FAM8A1: variants seen among roughly 807,000 people sequenced by gnomAD.
The protein encoded by FAM8A1 is protein FAM8A1.
Under a neutral mutation model 38.3 loss-of-function variants are expected in FAM8A1, and 18 were observed. That is an observed-to-expected ratio of 0.47 (90% CI 0.33 to 0.70). FAM8A1 has a LOEUF of 0.70. FAM8A1 is among the 30% of genes least tolerant of loss of function. The pLI, the probability that FAM8A1 is intolerant of heterozygous loss-of-function variation, is 0.03. For missense variants in FAM8A1, 559 were observed against 559.6 expected, an observed-to-expected ratio of 1.00 and a Z score of 0.01; for synonymous variants, 246 against 234.4, an observed-to-expected ratio of 1.05 and a Z score of -0.45.
At chr6:17,607,258 CA>C (rs879878979) in intron 4 of FAM8A1, among the ~76,000 whole-genome samples, 49 of 35,250 alleles carry the variant, frequency 1.4e-3, no homozygotes, top group Admixed American at 2.4e-3. Context: ...GACTCCATCT[CA>C]AAAAAAAAAA....
intron 4 of FAM8A1, 133 bp from the exon 5 acceptor site, chr6:17,608,053 CCTTGAATGT>C: frequency 1.1e-6 from 1 of 884,038 alleles, no homozygotes; most frequent in Non-Finnish European, 1.7e-6. Flanking sequence ...CTCAACTATA[CCTTGAATGT>C]CTTTTTCCCT....
At chr6:17,601,856 G>A (rs1461237582) in intron 1 of FAM8A1, among the ~76,000 whole-genome samples, 1 of 151,676 alleles carries the variant, frequency 6.6e-6, no homozygotes, top group East Asian at 1.9e-4. Flanking sequence ...ACGGGTGGGG[G>A]GGGATTACAG....
chr6:17,607,176 A>G (rs1394781263), intron 4 of FAM8A1, among the ~76,000 whole-genome samples: 2 of 149,306 alleles, frequency 1.3e-5, no homozygotes, highest in East Asian at 2.1e-4. Flanking sequence ...GGAGAATGGC[A>G]TGAACCCGGG....
chr6:17,605,044 TCAG>T lies in FAM8A1; in HGVS notation c.957+18_957+20del, dbSNP rs780122244. ...GTTTCTATGAGGTAAGCTACTGACTTCAGCAAGAATTAATATTTAACAATCTAA... is the reference window on the plus strand; with the variant it reads ...GTTTCTATGAGGTAAGCTACTGACTTCAAGAATTAATATTTAACAATCTAA... On this transcript the variant is annotated intron_variant, in intron 3 of 4. Transcript: ENST00000259963. 24 of 1,592,788 alleles carry T rather than the reference TCAG, an allele frequency of 1.5e-5. No homozygotes were observed. The highest frequency in any genetic ancestry group is 2.0e-5 in the Non-Finnish European group (23 of 1,169,894).
chr6:17,603,384 A>G (rs924136038), intron 2 of FAM8A1, among the ~76,000 whole-genome samples: 2 of 152,166 alleles, frequency 1.3e-5, no homozygotes, highest in Non-Finnish European at 2.9e-5. Flanking sequence ...CAGAACCTAA[A>G]ATGTTACAAA....
rs1764134332 is a variant in FAM8A1, at chr6:17,610,986, C to CTACTCTGTGACTACAGAAA, written c.*2650_*2668dup. The stretch of plus-strand genomic sequence containing the variant: ...GAGCTGGGTAAGCCTTACCTTTAGA[C>CTACTCTGTGACTACAGAAA]TACTCTGTGACTACAGAAATAAAGC... On this transcript the variant is annotated 3_prime_UTR_variant, in exon 5 of 5. Coordinates refer to ENST00000259963, the MANE Select transcript of FAM8A1 (RefSeq NM_016255.3). 1 of 152,128 alleles carries CTACTCTGTGACTACAGAAA rather than the reference C, an allele frequency of 6.6e-6. No individual in the cohort carries two copies. Among genetic ancestry groups the CTACTCTGTGACTACAGAAA allele is most frequent in the Admixed American group, 6.5e-5 (1 of 15,268 alleles). 9.4% of individuals were successfully genotyped at this position (152,128 alleles called of 1,614,324 possible).
rs1267821934 is a variant in FAM8A1, at chr6:17,610,596, T to A, written c.*2257T>A. 6.6e-6 allele frequency: 1 copy of A among 152,086 alleles called. No homozygotes were observed. Among genetic ancestry groups the A allele is most frequent in the Non-Finnish European group, 1.5e-5 (1 of 67,978 alleles). 9.4% of individuals were successfully genotyped at this position (152,086 alleles called of 1,614,324 possible). A position where few individuals can be genotyped will look rare whatever the true frequency, so the allele number is the denominator to read the frequency against. Reference sequence around the variant, plus strand: ...GGAACCAGACCTTAGTGCCACATATTTTTCTCTTGGGGTTGTAAGGTAGTC... The same window carrying A: ...GGAACCAGACCTTAGTGCCACATATATTTCTCTTGGGGTTGTAAGGTAGTC... On this transcript the variant is annotated 3_prime_UTR_variant, in exon 5 of 5. Transcript: ENST00000259963.
rs1764092976 is a variant in FAM8A1, at chr6:17,608,629, G to C, written c.*290G>C. 2 of 235,316 alleles carry C rather than the reference G, an allele frequency of 8.5e-6. No homozygotes were observed. The highest frequency in any genetic ancestry group is 1.6e-5 in the Non-Finnish European group (2 of 123,568). The allele number at this position is 235,316 out of a possible 1,614,324, so 14.6% of individuals were successfully genotyped here. On this transcript the variant is annotated 3_prime_UTR_variant, in exon 5 of 5. Coordinates refer to ENST00000259963, the MANE Select transcript of FAM8A1 (RefSeq NM_016255.3). ...TCTAAGGTACTTTCTTAAGATCTAA[G>C]AATTTGCTGAAAGCATTTTCAGCTT...
In FAM8A1 at chr6:17,602,465, G is replaced by A. The variant is rs933361982; in HGVS notation, c.713-125G>A. On this transcript the variant is annotated intron_variant, in intron 1 of 4. Transcript: ENST00000259963. ...GAATCAATATCAATAGTTGCTGCACGGTTATAAATATTTTTTATTAAGTTG... is the reference window on the plus strand; with the variant it reads ...GAATCAATATCAATAGTTGCTGCACAGTTATAAATATTTTTTATTAAGTTG... 11 of 893,352 alleles carry A rather than the reference G, an allele frequency of 1.2e-5. No homozygotes were observed. The South Asian group carries it at 1.4e-4, about 12-fold the overall frequency. The allele number at this position is 893,352 out of a possible 1,614,324, so 55.3% of individuals were successfully genotyped here. A position where few individuals can be genotyped will look rare whatever the true frequency, so the allele number is the denominator to read the frequency against.
rs1488662543 is a variant in FAM8A1 at position 17,611,342 on chromosome 6, G to C, written c.*3003G>C. On this transcript the variant is annotated 3_prime_UTR_variant, in exon 5 of 5. Transcript: ENST00000259963. ...TTAATTTACACTAGTTGCTACTTGG[G>C]AATAAAGGGCTTTTTGAGGGGGGTA... 1 of 152,522 alleles carries C rather than the reference G, an allele frequency of 6.6e-6. No individual in the cohort carries two copies. The highest frequency in any genetic ancestry group is 1.5e-5 in the Non-Finnish European group (1 of 68,002). 9.4% of individuals were successfully genotyped at this position (152,522 alleles called of 1,614,324 possible).
At chr6:17,604,756 A>G in intron 2 of FAM8A1, 150 bp from the exon 3 acceptor site, 1 of 575,840 alleles carries the variant, frequency 1.7e-6, no homozygotes, top group Non-Finnish European at 2.9e-6. Context: ...TGAATAAACT[A>G]ATGAATGCTT....
At chr6:17,608,166 T>A in intron 4 of FAM8A1, 29 bp from the exon 5 acceptor site, 1 of 1,611,764 alleles carries the variant, frequency 6.2e-7, no homozygotes, top group Non-Finnish European at 8.5e-7. Context: ...ATGTGTAACT[T>A]ACCTGATATT....
In FAM8A1 at chr6:17,600,555, C is replaced by T; in HGVS notation, c.146C>T (p.Ala49Val). Reference protein sequence around the residue: ...PRDDPQAEPQAPGRPTAPGLA... With the variant: ...PRDDPQAEPQVPGRPTAPGLA... The stretch of plus-strand genomic sequence containing the variant: ...GACGACCCCCAGGCCGAACCCCAGG[C>T]CCCGGGCCGGCCCACAGCCCCGGGC... Residue 49 changes from alanine to valine, a missense_variant, in exon 1 of 5, where the codon GCC becomes GTC. Ala to Val is a moderately conservative substitution (Grantham distance 64). Coordinates refer to ENST00000259963, the MANE Select transcript of FAM8A1 (RefSeq NM_016255.3). 2 of 1,503,804 alleles carry T rather than the reference C, an allele frequency of 1.3e-6. No homozygotes were observed. Among genetic ancestry groups the T allele is most frequent in the Non-Finnish European group, 1.8e-6 (2 of 1,130,324 alleles). The allele number at this position is 1,503,804 out of a possible 1,614,324, so 93.2% of individuals were successfully genotyped here.
chr6:17,603,310 A>T (rs1764011053), intron 2 of FAM8A1, among the ~76,000 whole-genome samples: 1 of 152,230 alleles, frequency 6.6e-6, no homozygotes, highest in African/African-American at 2.4e-5. Flanking sequence ...TACCAAGATG[A>T]GGTGTAGAGA....
At position 17,600,950 on chromosome 6, in the gene FAM8A1, G is replaced by C. The variant is rs1288880308; in HGVS notation, c.541G>C (p.Gly181Arg). The part of the protein sequence containing the change: ...YYNPFYFLSP[G>R]AAGPDPRTAA... ...CAACCCCTTCTACTTCCTGAGCCCC[G>C]GGGCCGCGGGGCCTGACCCGCGGAC... The change falls in exon 1 of 5, where the codon GGG (glycine) becomes CGG (arginine). Residue 181 changes from glycine to arginine, a missense_variant. Physicochemically the swap from Gly to Arg is moderately radical, Grantham distance 125 (BLOSUM62 -2). This residue lies in a region of FAM8A1 where 393 missense variants were observed against 338.9 expected (regional missense o/e 1.16). Coordinates refer to ENST00000259963, the MANE Select transcript of FAM8A1 (RefSeq NM_016255.3). 2 of 1,591,382 alleles carry C rather than the reference G, an allele frequency of 1.3e-6. No individual in the cohort carries two copies. Among genetic ancestry groups the C allele is most frequent in the Admixed American group, 1.8e-5 (1 of 56,996 alleles).
rs146113301 is a variant in FAM8A1, at chr6:17,605,885, T to C, written c.969T>C (p.Ile323=). The change falls in exon 4 of 5, where the codon ATT becomes ATC. Residue 323 remains isoleucine, a synonymous_variant. Coordinates refer to ENST00000259963, the MANE Select transcript of FAM8A1 (RefSeq NM_016255.3). ...CCTTCTTTCCTTAGATAATTTGCAT[T>C]TGGGGAGCAGGTGGAGCTACCCCAG... ...LLVCFYEIIC[I]WGAGGATPGK... The C allele has an allele frequency of 4.7e-5, 71 of 1,523,498 alleles. No homozygotes were observed. The highest frequency in any genetic ancestry group is 6.9e-5 in the African/African-American group (5 of 72,606). 94.4% of individuals were successfully genotyped at this position (1,523,498 alleles called of 1,614,324 possible).
At chr6:17,601,996 C>T (rs990694590) in intron 1 of FAM8A1, among the ~76,000 whole-genome samples, 6 of 152,098 alleles carry the variant, frequency 3.9e-5, no homozygotes, top group African/African-American at 1.4e-4. Flanking sequence ...AGTGGGTACC[C>T]TAATCAAATT....
intron 4 of FAM8A1, among the ~76,000 whole-genome samples, chr6:17,606,223 C>T (rs532344504): frequency 1.6e-4 from 21 of 131,400 alleles, no homozygotes; most frequent in Admixed American, 4.1e-4. Context: ...TTTTGTGAGA[C>T]GGAGTCTCAC....
At chr6:17,602,818 G>A (rs923544889) in intron 2 of FAM8A1, 108 bp downstream of exon 2, 1 of 1,024,026 alleles carries the variant, frequency 9.8e-7, no homozygotes, top group African/African-American at 1.6e-5. Flanking sequence ...GGGCTTGTCA[G>A]TGTCATGATT....
Sources: allele counts gnomAD v4.1 joint callset (sites outside exome capture counted in the v4.1 genomes callset), GRCh38; gene constraint gnomAD v4.1.1; regional missense constraint gnomAD v4.1.1; transcripts MANE v1.5; gene names NCBI Gene and HGNC (gene_info 2026-07-23, HGNC 2026-07-21).